Variants in ROBO1 observed in about 807,000 individuals in gnomAD.
The protein encoded by ROBO1 is roundabout guidance receptor 1.
ROBO1 carries 149 observed loss-of-function variants against 195.9 expected under a neutral mutation model. The observed-to-expected ratio is 0.76, with a 90% CI of 0.67 to 0.87. The LOEUF (loss-of-function observed/expected upper bound fraction) is 0.87, where lower values mean the gene tolerates loss of function less well. ROBO1 is among the 40% of genes least tolerant of loss of function. The pLI, the probability that ROBO1 is intolerant of heterozygous loss-of-function variation, is 0.00. For missense variants in ROBO1, 1,933 were observed against 2,068.3 expected (o/e 0.93, Z 1.27); for synonymous variants, 816 against 733.2 (o/e 1.11, Z -1.82).
chr3:79,386,559 CTTG>C (rs1196586840), intron 2 of ROBO1, among the ~76,000 whole-genome samples: 1 of 152,046 alleles, frequency 6.6e-6, no homozygotes, highest in Non-Finnish European at 1.5e-5. Flanking sequence ...CTGAGGGATG[CTTG>C]TTGTTCTCAC....
intron 3 of ROBO1, among the ~76,000 whole-genome samples, chr3:79,105,071 AC>A (rs1284177116): frequency 9.2e-5 from 14 of 151,946 alleles, no homozygotes; most frequent in African/African-American, 3.4e-4. Context: ...TCAAGTTAAT[AC>A]AAAAAAATCT....
intron 1 of ROBO1, among the ~76,000 whole-genome samples, chr3:79,732,565 C>T (rs1252087387): frequency 6.6e-6 from 1 of 152,076 alleles, no homozygotes; most frequent in Non-Finnish European, 1.5e-5. Context: ...TTATGAGTCT[C>T]AAATTTGAGT....
intron 4 of ROBO1, among the ~76,000 whole-genome samples, chr3:78,862,768 T>C (rs550808209): frequency 2.6e-5 from 4 of 152,326 alleles, no homozygotes; most frequent in Admixed American, 2.6e-4. Context: ...AGAGATATGA[T>C]ATAAACCTCT....
chr3:79,195,528 A>T (rs1290226233), intron 2 of ROBO1, among the ~76,000 whole-genome samples: 1 of 151,676 alleles, frequency 6.6e-6, no homozygotes, highest in Non-Finnish European at 1.5e-5. Context: ...TTTGAAAATT[A>T]TCAGATAAAA....
chr3:78,946,705 C>A (rs1453700599), intron 3 of ROBO1, among the ~76,000 whole-genome samples: 2 of 152,096 alleles, frequency 1.3e-5, no homozygotes, highest in South Asian at 4.1e-4. Context: ...GCTAAATGCT[C>A]CAATTAAAAG....
intron 2 of ROBO1, among the ~76,000 whole-genome samples, chr3:79,266,668 T>C (rs544545743): frequency 1.3e-4 from 19 of 151,698 alleles, no homozygotes; most frequent in African/African-American, 4.6e-4. Context: ...TAAATTGATA[T>C]CCAAACCCTG....
chr3:78,609,230 A>G (rs927138966), intron 28 of ROBO1, among the ~76,000 whole-genome samples: 2 of 152,224 alleles, frequency 1.3e-5, no homozygotes, highest in South Asian at 4.1e-4. Flanking sequence ...AAAATTCAGT[A>G]GGAGTTTAAA....
intron 14 of ROBO1, 114 bp from the exon 15 acceptor site, chr3:78,662,228 G>T: frequency 1.2e-6 from 1 of 848,176 alleles, no homozygotes; most frequent in Non-Finnish European, 1.7e-6. Context: ...AAGAGTCCAA[G>T]CCAGGCTGTG....
At chr3:79,408,218 CAAAAAAATA>C (rs1280220274) in intron 2 of ROBO1, among the ~76,000 whole-genome samples, 2 of 140,234 alleles carry the variant, frequency 1.4e-5, no homozygotes, top group Admixed American at 7.8e-5. Context: ...AATTCCGTCT[CAAAAAAATA>C]AAAAAAATAA....
At chr3:79,443,655 G>T (rs1023371271) in intron 2 of ROBO1, among the ~76,000 whole-genome samples, 1 of 151,996 alleles carries the variant, frequency 6.6e-6, no homozygotes, top group Admixed American at 6.5e-5. Context: ...TGAAAACCCC[G>T]TAAGTTTTCC....
In ROBO1 at chr3:78,922,766, C is replaced by T. The variant is rs981762583; in HGVS notation, c.499+15835G>A. ...CTGGAATTACAGGCATGCACCACAA[C>T]GCCTGGCTAACTTTTGTATTTTTAG... On this transcript the variant is annotated intron_variant, in intron 4 of 30. Transcript: ENST00000464233. 3.3e-5 allele frequency among the ~76,000 whole-genome samples: 5 copies of T among 151,878 alleles called. No individual in the cohort carries two copies. In the East Asian group the frequency reaches 9.7e-4, roughly 29 times the overall value.
chr3:79,310,805 A>G (rs1448811208), intron 2 of ROBO1, among the ~76,000 whole-genome samples: 2 of 152,214 alleles, frequency 1.3e-5, no homozygotes, highest in East Asian at 1.9e-4. Context: ...TTGTATTTCA[A>G]TAAGGCTACA....
intron 2 of ROBO1, among the ~76,000 whole-genome samples, chr3:79,462,627 C>T (rs539815696): frequency 2.0e-5 from 3 of 152,210 alleles, no homozygotes; most frequent in African/African-American, 7.2e-5. Flanking sequence ...AAGTTACCTA[C>T]GAAATAATAT....
intron 1 of ROBO1, among the ~76,000 whole-genome samples, chr3:79,688,679 C>T (rs571412707): frequency 4.8e-4 from 73 of 152,070 alleles, no homozygotes; most frequent in African/African-American, 1.8e-3. Context: ...TTTATAAGAA[C>T]TAGAATTTTA....
At chr3:79,462,138 A>AG (rs1388386360) in intron 2 of ROBO1, among the ~76,000 whole-genome samples, 1 of 152,132 alleles carries the variant, frequency 6.6e-6, no homozygotes, top group Non-Finnish European at 1.5e-5. Flanking sequence ...ATTGTAGGGT[A>AG]GAAAAAGTAG....
At chr3:79,197,843 A>G (rs1158515394) in intron 2 of ROBO1, among the ~76,000 whole-genome samples, 1 of 150,224 alleles carries the variant, frequency 6.7e-6, no homozygotes, top group African/African-American at 2.4e-5. Context: ...TCTTCTTTTG[A>G]GAAGTGTCTG....
At chr3:79,120,530 T>C (rs2108559574) in intron 3 of ROBO1, among the ~76,000 whole-genome samples, 1 of 152,032 alleles carries the variant, frequency 6.6e-6, no homozygotes, top group East Asian at 1.9e-4. Context: ...TTTTAATTAG[T>C]GAAGAAACCA....
chr3:79,368,549 A>G (rs1407504600), intron 2 of ROBO1, among the ~76,000 whole-genome samples: 1 of 151,988 alleles, frequency 6.6e-6, no homozygotes, highest in Non-Finnish European at 1.5e-5. Context: ...ACTACAAAAC[A>G]ACCTCCTAAA....
Position 78,603,754 on chromosome 3 carries a change from G to A in ROBO1, c.4744+2979C>T, listed in dbSNP as rs189759367. Among the ~76,000 whole-genome samples, 133 of 152,106 alleles carry A rather than the reference G, an allele frequency of 8.7e-4. 2 individuals carry two copies. Among genetic ancestry groups the A allele is most frequent in the Admixed American group, 2.8e-3 (43 of 15,264 alleles). On this transcript the variant is annotated intron_variant, in intron 29 of 30. Coordinates refer to ENST00000464233, the MANE Select transcript of ROBO1 (RefSeq NM_002941.4). ...CAATGCATAAAAATGATCACTTAAT[G>A]GCATATATACATAGGGTTATGATCC...
Sources: allele counts gnomAD v4.1 joint callset (sites outside exome capture counted in the v4.1 genomes callset), GRCh38; gene constraint gnomAD v4.1.1; transcripts MANE v1.5; gene names NCBI Gene and HGNC (gene_info 2026-07-23, HGNC 2026-07-21).